Variants in BABAM2 observed in about 807,000 individuals in gnomAD.
The protein encoded by BABAM2 is BRISC and BRCA1 A complex member 2, also known as BRISC and BRCA1-A complex member 2.
Under a neutral mutation model 54.7 loss-of-function variants are expected in BABAM2, and 31 were observed. The observed-to-expected ratio is 0.57, with a 90% confidence interval of 0.43 to 0.77. BABAM2 has a LOEUF of 0.77. BABAM2 is among the 30% of genes least tolerant of loss of function. The probability of loss-of-function intolerance (pLI) is 0.00; values close to 1 mark genes in which losing one functional copy is unlikely to be tolerated. For synonymous variants in BABAM2, 167 were observed against 162.9 expected, an observed-to-expected ratio of 1.03 and a Z score of -0.19; for missense variants, 364 against 455.8, an observed-to-expected ratio of 0.80 and a Z score of 1.83.
At chr2:28,012,550 C>T (rs576811568) in intron 4 of BABAM2, among the ~76,000 whole-genome samples, 24 of 152,040 alleles carry the variant, frequency 1.6e-4, no homozygotes, top group Non-Finnish European at 2.2e-4. Flanking sequence ...TGTATTTAAA[C>T]GATATTACCT....
At chr2:28,180,825 A>C (rs1415971515) in intron 7 of BABAM2, among the ~76,000 whole-genome samples, 1 of 152,218 alleles carries the variant, frequency 6.6e-6, no homozygotes, top group Non-Finnish European at 1.5e-5. Context: ...TTTTCAGAAG[A>C]AGATACGCAA....
intron 4 of BABAM2, among the ~76,000 whole-genome samples, chr2:27,996,715 A>G (rs889359538): frequency 1.3e-5 from 2 of 152,140 alleles, no homozygotes; most frequent in Non-Finnish European, 2.9e-5. Context: ...GTGACTGTGC[A>G]TAGCCTGGAT....
chr2:28,317,748 G>A (rs1245648888), intron 11 of BABAM2, among the ~76,000 whole-genome samples: 1 of 152,196 alleles, frequency 6.6e-6, no homozygotes, highest in Non-Finnish European at 1.5e-5. Context: ...TGGAAAACAT[G>A]AATTTGCTGT....
At chr2:28,133,993 T>C (rs949031004) in intron 7 of BABAM2, among the ~76,000 whole-genome samples, 1 of 152,128 alleles carries the variant, frequency 6.6e-6, no homozygotes, top group African/African-American at 2.4e-5. Flanking sequence ...TAGATGCATA[T>C]TGTTTACCGG....
chr2:28,259,125 G>A (rs7587944), intron 10 of BABAM2, among the ~76,000 whole-genome samples: 18,840 of 93,604 alleles, frequency 0.2, 2,369 homozygotes, highest in African/African-American at 0.41. Flanking sequence ...GTCTTGCTCT[G>A]TTGCCAGGCT....
intron 7 of BABAM2, among the ~76,000 whole-genome samples, chr2:28,163,099 G>C (rs1459416002): frequency 1.3e-5 from 2 of 152,244 alleles, no homozygotes; most frequent in South Asian, 4.1e-4. Flanking sequence ...TGTGTAGACA[G>C]ATAGAATGAG....
intron 7 of BABAM2, among the ~76,000 whole-genome samples, chr2:28,189,283 T>C (rs529806296): frequency 1.3e-5 from 2 of 152,358 alleles, no homozygotes; most frequent in South Asian, 2.1e-4. Context: ...AATTATAGTT[T>C]TCATTCCCAA....
intron 2 of BABAM2, 41 bp from the exon 3 acceptor site, chr2:27,929,791 T>TA: frequency 6.3e-7 from 1 of 1,578,832 alleles, no homozygotes; most frequent in Non-Finnish European, 8.7e-7. Context: ...AGTTTGTTTT[T>TA]AAAAAATCTT....
At chr2:28,075,663 A>T (rs1297900014) in intron 6 of BABAM2, among the ~76,000 whole-genome samples, 1 of 151,856 alleles carries the variant, frequency 6.6e-6, no homozygotes, top group Non-Finnish European at 1.5e-5. Context: ...CACAGTTTTG[A>T]TAGATAATGG....
intron 4 of BABAM2, among the ~76,000 whole-genome samples, chr2:28,024,909 A>G (rs1467652322): frequency 6.6e-6 from 1 of 152,220 alleles, no homozygotes; most frequent in Non-Finnish European, 1.5e-5. Context: ...TAAGTCTTCC[A>G]GGGCTAAAAT....
rs543820244 is a variant in BABAM2 at position 28,056,228 on chromosome 2, A to G, written c.570+10429A>G. Among the ~76,000 whole-genome samples the G allele has an allele frequency of 2.6e-4, 39 of 152,244 alleles. 1 individual carries two copies. In the East Asian group the frequency reaches 6.8e-3, roughly 26 times the overall value. Reference sequence around the variant, plus strand: ...TACAGGTTATAGAATTGTACCATATATGGAATTCATGCTAAATGAGTAGAT... The same window carrying G: ...TACAGGTTATAGAATTGTACCATATGTGGAATTCATGCTAAATGAGTAGAT... On this transcript the variant is annotated intron_variant, in intron 6 of 11. Coordinates refer to ENST00000379624, the MANE Select transcript of BABAM2 (RefSeq NM_199191.3).
intron 11 of BABAM2, among the ~76,000 whole-genome samples, chr2:28,333,693 A>G (rs1367446971): frequency 6.6e-6 from 1 of 152,234 alleles, no homozygotes; most frequent in Non-Finnish European, 1.5e-5. Context: ...CTCTAATGCC[A>G]TCTAAAAATA....
intron 5 of BABAM2, among the ~76,000 whole-genome samples, chr2:28,032,814 A>G (rs1187111550): frequency 1.3e-5 from 2 of 152,148 alleles, no homozygotes; most frequent in Non-Finnish European, 2.9e-5. Flanking sequence ...TATTTTGTAA[A>G]CATTTTCATT....
intron 2 of BABAM2, among the ~76,000 whole-genome samples, chr2:27,923,158 C>T (rs886104062): frequency 2.0e-5 from 3 of 152,170 alleles, no homozygotes; most frequent in African/African-American, 7.2e-5. Context: ...TGTGATATCA[C>T]AGTATAAAGA....
At chr2:28,184,292 CT>C (rs1558415695) in intron 7 of BABAM2, among the ~76,000 whole-genome samples, 3 of 139,576 alleles carry the variant, frequency 2.1e-5, no homozygotes, top group African/African-American at 7.9e-5. Context: ...CTCTCCCCCC[CT>C]CCCTCTCTCC....
chr2:28,000,416 G>C (rs1317355295), intron 4 of BABAM2, among the ~76,000 whole-genome samples: 1 of 152,160 alleles, frequency 6.6e-6, no homozygotes, highest in Non-Finnish European at 1.5e-5. Context: ...TTGGTAGAAA[G>C]ACTTCAGAGG....
intron 3 of BABAM2, among the ~76,000 whole-genome samples, chr2:27,944,211 T>C (rs1043143164): frequency 6.6e-6 from 1 of 152,168 alleles, no homozygotes; most frequent in African/African-American, 2.4e-5. Context: ...TCCCACTCTT[T>C]AATATCAATT....
chr2:28,319,323 T>C (rs923644499), intron 11 of BABAM2, among the ~76,000 whole-genome samples: 1 of 152,242 alleles, frequency 6.6e-6, no homozygotes, highest in Non-Finnish European at 1.5e-5. Flanking sequence ...TTAGGTAAAG[T>C]AGAAGCTGTC....
intron 2 of BABAM2, among the ~76,000 whole-genome samples, chr2:27,902,269 C>CA (rs1665846067): frequency 6.6e-6 from 1 of 152,056 alleles, no homozygotes; most frequent in African/African-American, 2.4e-5. Flanking sequence ...TGAATGAGAA[C>CA]AAAATGGAAA....
Sources: allele counts gnomAD v4.1 joint callset (sites outside exome capture counted in the v4.1 genomes callset), GRCh38; gene constraint gnomAD v4.1.1; transcripts MANE v1.5; gene names NCBI Gene and HGNC (gene_info 2026-07-23, HGNC 2026-07-21).